The following SEMA6A variants were observed in gnomAD, a reference collection of about 807,000 sequenced individuals.
The protein encoded by SEMA6A is semaphorin 6A.
A neutral mutation model predicts 96.8 loss-of-function variants in SEMA6A; 25 were observed. The ratio of observed to expected loss-of-function variants is 0.26; its 90% confidence interval spans 0.19 to 0.36. The LOEUF (loss-of-function observed/expected upper bound fraction) is 0.36, where lower values mean the gene tolerates loss of function less well. SEMA6A is among the 10% of genes least tolerant of loss of function. The probability of loss-of-function intolerance (pLI) is 1.00; values close to 1 mark genes in which losing one functional copy is unlikely to be tolerated. For synonymous variants in SEMA6A, 612 were observed against 518.0 expected, an observed-to-expected ratio of 1.18 and a Z score of -2.46; for missense variants, 1,363 against 1,323.1, an observed-to-expected ratio of 1.03 and a Z score of -0.47.
At chr5:116,498,082 C>T (rs947970303) in intron 3 of SEMA6A, among the ~76,000 whole-genome samples, 1 of 152,196 alleles carries the variant, frequency 6.6e-6, no homozygotes, top group Non-Finnish European at 1.5e-5. Context: ...AGAGAATCAG[C>T]AGCTCAGGTG....
At chr5:116,489,744 C>G (rs970279381) in intron 7 of SEMA6A, among the ~76,000 whole-genome samples, 1 of 152,146 alleles carries the variant, frequency 6.6e-6, no homozygotes, top group Admixed American at 6.5e-5. Flanking sequence ...GGGGGAGATA[C>G]GATTGAGGGT....
At chr5:116,470,417 T>C (rs1011045236) in intron 17 of SEMA6A, among the ~76,000 whole-genome samples, 1 of 152,218 alleles carries the variant, frequency 6.6e-6, no homozygotes, top group African/African-American at 2.4e-5. Flanking sequence ...CAATGGAGCT[T>C]ATGCTTTATC....
At chr5:116,530,971 T>G (rs1580481153) in intron 1 of SEMA6A, among the ~76,000 whole-genome samples, 1 of 152,256 alleles carries the variant, frequency 6.6e-6, no homozygotes, top group African/African-American at 2.4e-5. Flanking sequence ...TTATCCCCAT[T>G]TGACAGATAA....
intron 1 of SEMA6A, among the ~76,000 whole-genome samples, chr5:116,518,561 G>C (rs916205768): frequency 6.6e-6 from 1 of 152,146 alleles, no homozygotes; most frequent in African/African-American, 2.4e-5. Context: ...AAGTGCTGAG[G>C]GTCAGACAAA....
rs1754145685 is a variant in SEMA6A at position 116,445,856 on chromosome 5, A to G, written c.*757T>C. 1 of 152,678 alleles carries G rather than the reference A, an allele frequency of 6.5e-6. No homozygotes were observed. Among genetic ancestry groups the G allele is most frequent in the Non-Finnish European group, 1.5e-5 (1 of 68,044 alleles). The allele number at this position is 152,678 out of a possible 1,614,324, so 9.5% of individuals were successfully genotyped here. On this transcript the variant is annotated 3_prime_UTR_variant, in exon 19 of 19. Coordinates refer to ENST00000343348, the MANE Select transcript of SEMA6A (RefSeq NM_020796.5). ...CAATGGGCTTTCTGAAGAGCTGTTC[A>G]TAGGATGATATTTGGAAGAGTCCTT...
At chr5:116,449,287 A>G (rs573137867) in intron 18 of SEMA6A, 46 of 702,324 alleles carry the variant, frequency 6.5e-5, no homozygotes, top group Non-Finnish European at 1.0e-4. Flanking sequence ...TGTTCCTATT[A>G]TGGAAATGAT....
At chr5:116,453,986 GAC>G (rs1011207675) in intron 18 of SEMA6A, among the ~76,000 whole-genome samples, 4 of 152,132 alleles carry the variant, frequency 2.6e-5, no homozygotes, top group Non-Finnish European at 5.9e-5. Context: ...AAGCGTGTAA[GAC>G]ACAGGCAACC....
rs1754341119 is a variant in SEMA6A, at chr5:116,447,777, G to A, written c.1929C>T (p.Asp643=). The A allele has an allele frequency of 6.2e-7, 1 of 1,606,870 alleles. No homozygotes were observed. Among genetic ancestry groups the A allele is most frequent in the Non-Finnish European group, 8.5e-7 (1 of 1,174,268 alleles). The change falls in exon 19 of 19, where the codon GAC becomes GAT. Residue 643 remains aspartate, a synonymous_variant. Coordinates refer to ENST00000343348, the MANE Select transcript of SEMA6A (RefSeq NM_020796.5). ...CCAAGAGGGTGACGGGAACCAGCTG[G>A]TCGTGGCCTTTGAGGTAACTTTCCC... is the stretch of plus-strand genomic sequence containing the variant. ...VIRESYLKGH[D]QLVPVTLLAI...
chr5:116,571,831 T>C (rs774101663), intron 1 of SEMA6A, among the ~76,000 whole-genome samples: 1 of 152,226 alleles, frequency 6.6e-6, no homozygotes, highest in African/African-American at 2.4e-5. Flanking sequence ...TAAAAAGTCA[T>C]ACAAAATTCT....
intron 6 of SEMA6A, among the ~76,000 whole-genome samples, chr5:116,492,828 A>G (rs1324683177): frequency 6.6e-6 from 1 of 152,216 alleles, no homozygotes; most frequent in Non-Finnish European, 1.5e-5. Flanking sequence ...TCACTGGAAG[A>G]CTGGTCATTG....
intron 6 of SEMA6A, among the ~76,000 whole-genome samples, chr5:116,493,642 A>T (rs1408199226): frequency 6.6e-6 from 1 of 152,116 alleles, no homozygotes; most frequent in East Asian, 1.9e-4. Flanking sequence ...TGTAAGATGG[A>T]AGATAAGTAT....
At chr5:116,512,026 C>T (rs1758427800) in intron 1 of SEMA6A, among the ~76,000 whole-genome samples, 1 of 152,140 alleles carries the variant, frequency 6.6e-6, no homozygotes, top group South Asian at 2.1e-4. Context: ...TTCACAGAGG[C>T]TGGAACTGCT....
chr5:116,548,829 G>A lies in SEMA6A; in HGVS notation c.-39+25356C>T, dbSNP rs550484227. On this transcript the variant is annotated intron_variant, in intron 1 of 18. Coordinates refer to ENST00000343348, the MANE Select transcript of SEMA6A (RefSeq NM_020796.5). ...GGCATTATCCAATATCATTTTAAAC[G>A]CTATGCTTAAATGAATGCTGCCTTG... Among the ~76,000 whole-genome samples, 18 of 152,280 alleles carry A rather than the reference G, an allele frequency of 1.2e-4. 1 individual carries two copies. The highest frequency in any genetic ancestry group is 6.5e-4 in the Admixed American group (10 of 15,296).
chr5:116,497,810 C>CA (rs895105868), intron 3 of SEMA6A, among the ~76,000 whole-genome samples: 5 of 151,872 alleles, frequency 3.3e-5, no homozygotes, highest in African/African-American at 9.7e-5. Flanking sequence ...AGAGGGCTAA[C>CA]AAAAAAAATG....
intron 1 of SEMA6A, among the ~76,000 whole-genome samples, chr5:116,522,105 G>A (rs1396817363): frequency 6.6e-6 from 1 of 152,188 alleles, no homozygotes; most frequent in East Asian, 1.9e-4. Context: ...TTTTTAAAGT[G>A]TCGTGAATAT....
At chr5:116,550,740 A>T (rs1760368223) in intron 1 of SEMA6A, 1 of 152,188 alleles carries the variant, frequency 6.6e-6, no homozygotes, top group South Asian at 2.1e-4. Context: ...CAAAACTCTG[A>T]GAGAAAACTT....
chr5:116,473,595 T>A (rs1561479975), intron 16 of SEMA6A, among the ~76,000 whole-genome samples: 1 of 152,234 alleles, frequency 6.6e-6, no homozygotes, highest in East Asian at 1.9e-4. Flanking sequence ...CTTACACATA[T>A]TAGGCAACAT....
chr5:116,448,293 G>A (rs528161132), intron 18 of SEMA6A, among the ~76,000 whole-genome samples: 2 of 152,108 alleles, frequency 1.3e-5, no homozygotes, highest in Admixed American at 1.3e-4. Context: ...TGCAGTGAAG[G>A]GAGATCAGGC....
intron 1 of SEMA6A, among the ~76,000 whole-genome samples, chr5:116,513,705 G>A (rs116410105): frequency 3.3e-5 from 5 of 151,492 alleles, no homozygotes; most frequent in East Asian, 3.9e-4. Context: ...GGTGGTTTGC[G>A]GCACAGGTCA....
Sources: allele counts gnomAD v4.1 joint callset (sites outside exome capture counted in the v4.1 genomes callset), GRCh38; gene constraint gnomAD v4.1.1; transcripts MANE v1.5; gene names NCBI Gene and HGNC (gene_info 2026-07-23, HGNC 2026-07-21).